BIN1: variants seen among roughly 807,000 people sequenced by gnomAD.
BIN1 encodes the protein myc box-dependent-interacting protein 1.
BIN1 carries 53 observed loss-of-function variants against 82.0 expected under a neutral mutation model. The ratio of observed to expected loss-of-function variants is 0.65; its 90% CI spans 0.52 to 0.81. BIN1 has a LOEUF of 0.81. Among genes scored for constraint, BIN1 ranks in the 40% least tolerant of loss-of-function variants. The probability of loss-of-function intolerance (pLI) is 0.00; values close to 1 mark genes in which losing one functional copy is unlikely to be tolerated. For missense variants in BIN1, 642 were observed against 784.4 expected (o/e 0.82, Z 2.17); for synonymous variants, 302 against 328.0 (o/e 0.92, Z 0.86).
rs13417187 is a variant in BIN1, at chr2:127,106,573, A to G, written c.84+287T>C. On this transcript the variant is annotated intron_variant, in intron 1 of 18. Coordinates refer to ENST00000316724, the MANE Select transcript of BIN1 (RefSeq NM_139343.3). ...GAGCGCGCGCCTGAGAAGAGCCTGGAGCAGGGCCGGCCACTGCTGTGCAGC... is the reference window on the plus strand; with the variant it reads ...GAGCGCGCGCCTGAGAAGAGCCTGGGGCAGGGCCGGCCACTGCTGTGCAGC... Among the ~76,000 whole-genome samples, 12,823 of 152,164 alleles carry G rather than the reference A, an allele frequency of 0.084. 721 individuals carry two copies. Among genetic ancestry groups the G allele is most frequent in the African/African-American group, 0.16 (6,480 of 41,518 alleles).
At position 127,068,811 on chromosome 2, in the gene BIN1, C is replaced by G. The variant is rs1685489429; in HGVS notation, c.519+113G>C. The G allele has an allele frequency of 7.6e-6, 8 of 1,055,896 alleles. No homozygotes were observed. Among genetic ancestry groups the G allele is most frequent in the African/African-American group, 1.6e-5 (1 of 64,234 alleles). 65.4% of individuals were successfully genotyped at this position (1,055,896 alleles called of 1,614,324 possible). ...CCTGGGCCCTGTATCGTCCCCACCC[C>G]CAGTTCAGCCACCTGGGGCCAGGCA... is the stretch of plus-strand genomic sequence containing the variant. On this transcript the variant is annotated intron_variant, in intron 6 of 18. Transcript: ENST00000316724. This position sits in a 1 kb window ranked among gnomAD's most constrained non-coding sequence, Gnocchi z 4.9.
At chr2:127,069,863 T>C (rs1573643284) in intron 5 of BIN1, 132 bp downstream of exon 5, 16 of 891,462 alleles carry the variant, frequency 1.8e-5, no homozygotes, top group Non-Finnish European at 2.6e-5. Context: ...CCCGGAGGGG[T>C]GAAACACCGG....
chr2:127,064,421 C>T (rs1044697802), intron 7 of BIN1, among the ~76,000 whole-genome samples: 2 of 152,218 alleles, frequency 1.3e-5, no homozygotes, highest in African/African-American at 4.8e-5. Context: ...TAGGTGCCAG[C>T]CCTGCCACTG....
intron 1 of BIN1, among the ~76,000 whole-genome samples, chr2:127,083,792 G>A (rs192616250): frequency 5.3e-5 from 8 of 152,214 alleles, no homozygotes; most frequent in Admixed American, 3.3e-4. Flanking sequence ...TTTTAAGAGT[G>A]CAAACCAATC....
At position 127,053,918 on chromosome 2, in the gene BIN1, G is replaced by A. The variant is rs754678339; in HGVS notation, c.1226C>T (p.Thr409Met). The A allele has an allele frequency of 3.4e-5, 52 of 1,551,222 alleles. No individual in the cohort carries two copies. Among genetic ancestry groups the A allele is most frequent in the Admixed American group, 1.4e-4 (7 of 51,028 alleles). Residue 409 changes from threonine (T) to methionine (M), a missense_variant, in exon 13 of 19, where the codon ACG becomes ATG. Coordinates refer to ENST00000316724, the MANE Select transcript of BIN1 (RefSeq NM_139343.3). The part of the protein sequence containing the change: ...PPVTSPVKAP[T>M]PSGQSIPWDL... ...GGCACAACCAACCTGACCAGAGGGC[G>A]TGGGTGCCTTCACAGGGCTCGTCAC...
intron 15 of BIN1, among the ~76,000 whole-genome samples, chr2:127,051,691 CCCAGCGCAGGTGGTGCGGTGCAG>C (rs1317295897): frequency 6.6e-6 from 1 of 152,210 alleles, no homozygotes. Context: ...CTGAGCACAA[CCCAGCGCAGGTGGTGCGGTGCAG>C]CCTGTGCGCA....
intron 1 of BIN1, among the ~76,000 whole-genome samples, chr2:127,080,933 C>T (rs907756699): frequency 6.6e-6 from 1 of 152,258 alleles, no homozygotes; most frequent in African/African-American, 2.4e-5. Flanking sequence ...ACTGAGTTGA[C>T]GCCATGCCTC....
intron 18 of BIN1, 44 bp downstream of exon 18, chr2:127,050,377 G>A: frequency 6.2e-7 from 1 of 1,604,196 alleles, no homozygotes; most frequent in Non-Finnish European, 8.5e-7. Flanking sequence ...CAGCCAGGAT[G>A]CCTGTGGTCC....
chr2:127,081,255 C>G (rs1055079010), intron 1 of BIN1, among the ~76,000 whole-genome samples: 5 of 152,242 alleles, frequency 3.3e-5, no homozygotes, highest in Admixed American at 2.6e-4. Context: ...CCACCATGCA[C>G]GCACTTCAAG....
chr2:127,105,104 C>T (rs991769156), intron 1 of BIN1, among the ~76,000 whole-genome samples: 19 of 152,210 alleles, frequency 1.2e-4, no homozygotes, highest in African/African-American at 4.6e-4. Context: ...TACATCACCA[C>T]CTCCTTGGAG....
intron 2 of BIN1, among the ~76,000 whole-genome samples, chr2:127,076,169 A>G (rs1686579692): frequency 6.6e-6 from 1 of 151,932 alleles, no homozygotes; most frequent in African/African-American, 2.4e-5. Context: ...ATGCCTCCCC[A>G]CAGCCCAGCC....
rs867766692 is a variant in BIN1 at position 127,059,290 on chromosome 2, G to A, written c.858-135C>T. 4.2e-5 allele frequency: 38 copies of A among 912,622 alleles called. No individual in the cohort carries two copies. The highest frequency in any genetic ancestry group is 1.3e-4 in the African/African-American group (8 of 60,860). 56.5% of individuals were successfully genotyped at this position (912,622 alleles called of 1,614,324 possible). ...TGAAACTGTGTGTGTGTGTGTGTGTGTGTATGTGAGAGAGAGCAGGAGGGT... is the reference window on the plus strand; with the variant it reads ...TGAAACTGTGTGTGTGTGTGTGTGTATGTATGTGAGAGAGAGCAGGAGGGT... On this transcript the variant is annotated intron_variant, in intron 10 of 18. Coordinates refer to ENST00000316724, the MANE Select transcript of BIN1 (RefSeq NM_139343.3). This position sits in a 1 kb window ranked among gnomAD's most constrained non-coding sequence, Gnocchi z 6.7.
intron 17 of BIN1, 45 bp from the exon 18 acceptor site, chr2:127,050,567 C>T (rs777103179): frequency 6.2e-7 from 1 of 1,601,450 alleles, no homozygotes; most frequent in Non-Finnish European, 8.6e-7. Flanking sequence ...GTCCCACCTC[C>T]AGCCCTGCAC....
Position 127,062,171 on chromosome 2 carries a change from C to CTGCT in BIN1, c.800_801insAGCA (p.Val268AlafsTer21). On this transcript the variant is annotated frameshift_variant, in exon 10 of 19. Coordinates refer to ENST00000316724, the MANE Select transcript of BIN1 (RefSeq NM_139343.3). LOFTEE classifies it high-confidence loss of function. ...TCCCGTGTTGCTTCTCCAGGCCGACCAGCACATCATTGAGGTTCTGGTTGA... is the reference window on the plus strand; with the variant it reads ...TCCCGTGTTGCTTCTCCAGGCCGACCTGCTAGCACATCATTGAGGTTCTGGTTGA... The CTGCT allele has an allele frequency of 6.2e-7, 1 of 1,610,696 alleles. No individual in the cohort carries two copies. The highest frequency in any genetic ancestry group is 2.2e-5 in the East Asian group (1 of 44,824).
intron 10 of BIN1, among the ~76,000 whole-genome samples, chr2:127,060,288 T>G (rs749367295): frequency 9.9e-5 from 15 of 152,172 alleles, no homozygotes; most frequent in Non-Finnish European, 1.6e-4. Flanking sequence ...TCCCTGGCCC[T>G]CCCCAGGCCT....
chr2:127,094,684 G>T (rs926661733), intron 1 of BIN1, among the ~76,000 whole-genome samples: 12 of 152,262 alleles, frequency 7.9e-5, no homozygotes, highest in African/African-American at 2.7e-4. Context: ...AAGTGCAGTG[G>T]CACAAAGCCG....
intron 9 of BIN1, among the ~76,000 whole-genome samples, chr2:127,062,597 G>A (rs1684644637): frequency 6.6e-6 from 1 of 152,220 alleles, no homozygotes; most frequent in South Asian, 2.1e-4. Flanking sequence ...TTCACTGAAA[G>A]CACAGGCACG....
chr2:127,073,560 G>A lies in BIN1; in HGVS notation c.166-2744C>T, dbSNP rs552273615. On this transcript the variant is annotated intron_variant, in intron 2 of 18. Coordinates refer to ENST00000316724, the MANE Select transcript of BIN1 (RefSeq NM_139343.3). ...GGACATCAGTCCCCACAGGTGGCCT[G>A]AGCACCCAAGTCCCTGTGCTCCCAG... 6.1e-3 allele frequency among the ~76,000 whole-genome samples: 931 copies of A among 152,288 alleles called. 7 individuals carry two copies. The highest frequency in any genetic ancestry group is 0.01 in the Non-Finnish European group (708 of 68,022).
chr2:127,060,445 C>T lies in BIN1; in HGVS notation c.858-1290G>A, dbSNP rs74895054. On this transcript the variant is annotated intron_variant, in intron 10 of 18. Transcript: ENST00000316724. Reference sequence around the variant, plus strand: ...GCCCCGCGCCGCCTCCGCCTTCCCACCCAACACGCACACGACAGCCCTGCC... The same window carrying T: ...GCCCCGCGCCGCCTCCGCCTTCCCATCCAACACGCACACGACAGCCCTGCC... 0.12 allele frequency: 147,904 copies of T among 1,206,966 alleles called. 10,228 individuals carry two copies. Among genetic ancestry groups the T allele is most frequent in the South Asian group, 0.2 (15,950 of 80,570 alleles). 74.8% of individuals were successfully genotyped at this position (1,206,966 alleles called of 1,614,324 possible).
Sources: gnomAD v4.1 joint callset for allele counts (sites outside exome capture counted in the v4.1 genomes callset) on GRCh38, gnomAD v4.1.1 for gene constraint, Gnocchi (gnomAD v3.1) non-coding constraint, MANE v1.5 for transcripts, NCBI Gene and HGNC (gene_info 2026-07-23, HGNC 2026-07-21) for gene names.